The following DNAJB6 variants were observed in gnomAD, a reference collection of about 807,000 sequenced individuals.
The protein encoded by DNAJB6 is dnaJ homolog subfamily B member 6.
In DNAJB6, 16 loss-of-function variants were observed where a neutral mutation model predicts 42.7. The observed-to-expected ratio is 0.37, with a 90% CI of 0.25 to 0.57. The LOEUF is 0.57. Among genes scored for constraint, DNAJB6 ranks in the 20% least tolerant of loss-of-function variants. The probability of loss-of-function intolerance (pLI) is 0.74; values close to 1 mark genes in which losing one functional copy is unlikely to be tolerated. For missense variants in DNAJB6, 347 were observed against 416.8 expected (o/e 0.83, Z 1.46); for synonymous variants, 170 against 163.5 (o/e 1.04, Z -0.30).
At chr7:157,404,607 C>T (rs1795687055) in intron 8 of DNAJB6, among the ~76,000 whole-genome samples, 1 of 150,998 alleles carries the variant, frequency 6.6e-6, no homozygotes, top group East Asian at 2.0e-4. Context: ...GCCTCCCAGG[C>T]TCAAGCGATT....
intron 1 of DNAJB6, among the ~76,000 whole-genome samples, chr7:157,346,217 G>C (rs75252070): frequency 0.011 from 1,679 of 148,776 alleles, 30 homozygotes; most frequent in East Asian, 0.063. Context: ...GCCACAAATG[G>C]TGTCTTTTAA....
chr7:157,351,394 C>T (rs995970980), intron 1 of DNAJB6, among the ~76,000 whole-genome samples: 16 of 151,694 alleles, frequency 1.1e-4, no homozygotes, highest in Non-Finnish European at 1.9e-4. Context: ...TTTGGGAGGC[C>T]GAGGAGGGCG....
chr7:157,362,396 C>T lies in DNAJB6; in HGVS notation c.66-765C>T, dbSNP rs201555205. On this transcript the variant is annotated intron_variant, in intron 2 of 9. Coordinates refer to ENST00000262177, the MANE Select transcript of DNAJB6 (RefSeq NM_058246.4). The stretch of plus-strand genomic sequence containing the variant: ...TTCCCTTTTTAAAAATTTTTTGAGA[C>T]GGAGTTTCGCTCTTGTTGCCCAGGC... 2.8e-4 allele frequency among the ~76,000 whole-genome samples: 43 copies of T among 152,138 alleles called. No homozygotes were observed. The East Asian group carries it at 6.0e-3, about 21-fold the overall frequency.
chr7:157,403,474 T>G (rs1455434699), intron 8 of DNAJB6, among the ~76,000 whole-genome samples: 1 of 152,162 alleles, frequency 6.6e-6, no homozygotes, highest in Non-Finnish European at 1.5e-5. Flanking sequence ...CTTTTTTGTT[T>G]GTTTTTTTTG....
chr7:157,341,526 T>C (rs541033692), intron 1 of DNAJB6, among the ~76,000 whole-genome samples: 1 of 152,248 alleles, frequency 6.6e-6, no homozygotes, highest in Non-Finnish European at 1.5e-5. Context: ...TTTTTCTACT[T>C]ACCTTTTGCC....
chr7:157,341,703 T>C (rs527485957), intron 1 of DNAJB6, among the ~76,000 whole-genome samples: 2 of 152,342 alleles, frequency 1.3e-5, no homozygotes, highest in African/African-American at 2.4e-5. Context: ...TATTTGTGTT[T>C]ATAGGAATGT....
At chr7:157,384,834 C>CT in intron 6 of DNAJB6, 33 bp from the exon 7 acceptor site, 2 of 1,600,178 alleles carry the variant, frequency 1.2e-6, no homozygotes, top group Non-Finnish European at 1.7e-6. Flanking sequence ...TGACATATTT[C>CT]TTTAAGCATT....
chr7:157,387,181 TAAA>T (rs1366780953), intron 8 of DNAJB6, among the ~76,000 whole-genome samples: 2 of 152,108 alleles, frequency 1.3e-5, no homozygotes, highest in Admixed American at 1.3e-4. Context: ...TGAAAATAAG[TAAA>T]AAATATTTTA....
At chr7:157,392,009 G>A (rs1381960214) in intron 8 of DNAJB6, among the ~76,000 whole-genome samples, 1 of 150,178 alleles carries the variant, frequency 6.7e-6, no homozygotes, top group Non-Finnish European at 1.5e-5. Flanking sequence ...AGGCTGAGGT[G>A]GAAGGATCAC....
At chr7:157,401,398 A>G (rs532783457) in intron 8 of DNAJB6, among the ~76,000 whole-genome samples, 1 of 152,148 alleles carries the variant, frequency 6.6e-6, no homozygotes, top group Non-Finnish European at 1.5e-5. Flanking sequence ...TATTTTTAGT[A>G]GAGACGGGGT....
At chr7:157,394,065 T>C (rs1002908088) in intron 8 of DNAJB6, among the ~76,000 whole-genome samples, 3 of 152,350 alleles carry the variant, frequency 2.0e-5, no homozygotes, top group Middle Eastern at 3.4e-3. Context: ...TATCTTATTA[T>C]TATCCTGAGT....
chr7:157,379,495 T>A (rs2117061369), intron 5 of DNAJB6: 1 of 152,326 alleles, frequency 6.6e-6, no homozygotes, highest in South Asian at 2.1e-4. Flanking sequence ...CATGAGTGCC[T>A]TTCTCACTGT....
chr7:157,348,196 G>A (rs1798785828), intron 1 of DNAJB6, among the ~76,000 whole-genome samples: 1 of 151,730 alleles, frequency 6.6e-6, no homozygotes, highest in Non-Finnish European at 1.5e-5. Flanking sequence ...GGGTTCAAGC[G>A]ATTCTCCTGC....
chr7:157,346,581 G>T (rs1245052217), intron 1 of DNAJB6, among the ~76,000 whole-genome samples: 1 of 152,086 alleles, frequency 6.6e-6, no homozygotes, highest in Non-Finnish European at 1.5e-5. Flanking sequence ...GGAAAAAAAA[G>T]ATAGTGTTAC....
intron 1 of DNAJB6, among the ~76,000 whole-genome samples, chr7:157,338,123 G>C (rs1335802803): frequency 6.6e-6 from 1 of 152,204 alleles, no homozygotes; most frequent in Non-Finnish European, 1.5e-5. Flanking sequence ...CCAAATTATT[G>C]ATTTAGTAGA....
chr7:157,354,835 C>T (rs989953606), intron 1 of DNAJB6, among the ~76,000 whole-genome samples: 4 of 152,018 alleles, frequency 2.6e-5, no homozygotes, highest in South Asian at 2.1e-4. Context: ...GTGACGTTGG[C>T]GAAGGTGAAC....
At chr7:157,399,398 G>A (rs1801740677) in intron 8 of DNAJB6, among the ~76,000 whole-genome samples, 1 of 152,204 alleles carries the variant, frequency 6.6e-6, no homozygotes, top group South Asian at 2.1e-4. Flanking sequence ...GGCCAGTGGT[G>A]GTCCACGTAG....
At chr7:157,343,123 G>A (rs1386931985) in intron 1 of DNAJB6, among the ~76,000 whole-genome samples, 1 of 151,424 alleles carries the variant, frequency 6.6e-6, no homozygotes, top group Non-Finnish European at 1.5e-5. Context: ...TTCTTTCTGA[G>A]TAGCTGGGAT....
chr7:157,404,455 C>T (rs1356329779), intron 8 of DNAJB6, among the ~76,000 whole-genome samples: 3 of 119,916 alleles, frequency 2.5e-5, no homozygotes, highest in Non-Finnish European at 5.0e-5. Context: ...GCGCACTGGG[C>T]TAATTTTTGT....
Sources: gnomAD v4.1 joint callset for allele counts (sites outside exome capture counted in the v4.1 genomes callset) on GRCh38, gnomAD v4.1.1 for gene constraint, MANE v1.5 for transcripts, NCBI Gene and HGNC (gene_info 2026-07-23, HGNC 2026-07-21) for gene names.